THSD4: variants seen among roughly 807,000 people sequenced by gnomAD.
THSD4 encodes thrombospondin type 1 domain containing 4.
A neutral mutation model predicts 119.0 loss-of-function variants in THSD4; 69 were observed. The ratio of observed to expected loss-of-function variants is 0.58; its 90% CI spans 0.48 to 0.71. THSD4 has a LOEUF of 0.71. Among genes scored for constraint, THSD4 ranks in the 30% least tolerant of loss-of-function variants. The pLI is 0.00. For synonymous variants in THSD4, 524 were observed against 540.4 expected (o/e 0.97, Z 0.42); for missense variants, 1,393 against 1,391.1 (o/e 1.00, Z -0.02).
intron 5 of THSD4, among the ~76,000 whole-genome samples, chr15:71,255,429 G>T (rs1351084909): frequency 6.6e-6 from 1 of 152,300 alleles, no homozygotes; most frequent in African/African-American, 2.4e-5. Context: ...AAGCCAGAGG[G>T]AGCAGTATGT....
chr15:71,277,730 CTCTG>C (rs1371021798), intron 6 of THSD4, among the ~76,000 whole-genome samples: 3 of 152,202 alleles, frequency 2.0e-5, no homozygotes, highest in Non-Finnish European at 4.4e-5. Flanking sequence ...TTTTGCTTCT[CTCTG>C]TCTTTCCTAT....
intron 1 of THSD4, among the ~76,000 whole-genome samples, chr15:71,124,614 G>A (rs74021935): frequency 0.026 from 4,004 of 152,030 alleles, 183 homozygotes; most frequent in African/African-American, 0.092. Flanking sequence ...CAACATAGGC[G>A]GTTCCTTTAA....
At chr15:71,424,409 G>A (rs1454349284) in intron 7 of THSD4, among the ~76,000 whole-genome samples, 2 of 152,062 alleles carry the variant, frequency 1.3e-5, no homozygotes, top group Non-Finnish European at 2.9e-5. Context: ...TTTTGACAGG[G>A]ACTGGAAGGA....
At chr15:71,289,761 C>A (rs1166739652) in intron 6 of THSD4, among the ~76,000 whole-genome samples, 1 of 152,184 alleles carries the variant, frequency 6.6e-6, no homozygotes, top group Non-Finnish European at 1.5e-5. Flanking sequence ...TCTCAACCCT[C>A]ATCTAGGGCT....
chr15:71,347,734 C>T lies in THSD4; in HGVS notation c.1016-63953C>T, dbSNP rs80198666. 0.011 allele frequency among the ~76,000 whole-genome samples: 1,714 copies of T among 152,202 alleles called. 62 individuals are homozygous for T. The East Asian group carries it at 0.12, about 11-fold the overall frequency. On this transcript the variant is annotated intron_variant, in intron 6 of 17. Transcript: ENST00000261862. ...AGCTGTGTTTTTAGTGCTGAATAGC[C>T]GCATATGACTAGTGGCTACCATGTT... is the stretch of plus-strand genomic sequence containing the variant.
At chr15:71,591,551 A>G (rs1488721995) in intron 7 of THSD4, among the ~76,000 whole-genome samples, 2 of 152,166 alleles carry the variant, frequency 1.3e-5, no homozygotes, top group Non-Finnish European at 2.9e-5. Context: ...GACATGCTCC[A>G]TGTGTGGCAG....
intron 6 of THSD4, among the ~76,000 whole-genome samples, chr15:71,264,211 C>G (rs995719083): frequency 6.6e-6 from 1 of 152,208 alleles, no homozygotes; most frequent in Non-Finnish European, 1.5e-5. Flanking sequence ...TTAGAGTGTT[C>G]GTGTTTTACT....
chr15:71,457,804 A>G (rs753942376), intron 7 of THSD4, among the ~76,000 whole-genome samples: 12 of 152,008 alleles, frequency 7.9e-5, no homozygotes, highest in Non-Finnish European at 1.6e-4. Context: ...CGTTATTCTT[A>G]CCTGAGGTCT....
intron 7 of THSD4, among the ~76,000 whole-genome samples, chr15:71,505,915 T>G (rs2048179276): frequency 6.6e-6 from 1 of 152,214 alleles, no homozygotes; most frequent in Admixed American, 6.5e-5. Context: ...AAGCAAACAA[T>G]GAAGGAATTT....
intron 7 of THSD4, among the ~76,000 whole-genome samples, chr15:71,430,759 G>GAAAAAAAAAAAAAAAAAAAAAAAAA (rs397719477): frequency 1.2e-5 from 1 of 82,958 alleles, no homozygotes; most frequent in Non-Finnish European, 2.2e-5. Context: ...TCTGTCTCAA[G>GAAAAAAAAAAAAAAAAAAAAAAAAA]AAAAAAAAAA....
Position 71,335,251 on chromosome 15 carries a change from ACTT to A in THSD4, c.1016-76430_1016-76428del, listed in dbSNP as rs148349663. ...ATGCAAATACTTGTCAGCCCCAGCA[ACTT>A]CTTCTGCTTTTAGTTGAGGGCTCTT... On this transcript the variant is annotated intron_variant, in intron 6 of 17. Transcript: ENST00000261862. 1.3e-3 allele frequency among the ~76,000 whole-genome samples: 196 copies of A among 152,268 alleles called. 3 individuals carry two copies. In the East Asian group the frequency reaches 0.035, roughly 27 times the overall value.
chr15:71,364,416 C>G (rs958436019), intron 6 of THSD4, among the ~76,000 whole-genome samples: 5 of 152,210 alleles, frequency 3.3e-5, no homozygotes, highest in Admixed American at 3.3e-4. Flanking sequence ...GATTAATTTC[C>G]CACCTTATCT....
At chr15:71,765,601 G>A (rs2140231748) in intron 16 of THSD4, among the ~76,000 whole-genome samples, 1 of 152,276 alleles carries the variant, frequency 6.6e-6, no homozygotes, top group South Asian at 2.1e-4. Flanking sequence ...CAAGGGTGCT[G>A]TTAAAAGAAC....
chr15:71,707,256 A>T (rs1158192689), intron 8 of THSD4, among the ~76,000 whole-genome samples: 1 of 152,192 alleles, frequency 6.6e-6, no homozygotes, highest in East Asian at 1.9e-4. Flanking sequence ...TGATGTCCAG[A>T]AGCCCACACG....
At chr15:71,567,999 A>G (rs1014152912) in intron 7 of THSD4, among the ~76,000 whole-genome samples, 5 of 151,858 alleles carry the variant, frequency 3.3e-5, no homozygotes, top group African/African-American at 1.2e-4. Context: ...TTCTTTGTAT[A>G]CTTATTATTA....
intron 1 of THSD4, among the ~76,000 whole-genome samples, chr15:71,123,573 G>A (rs1227668835): frequency 2.6e-5 from 4 of 152,166 alleles, no homozygotes; most frequent in Admixed American, 6.5e-5. Context: ...TGTGAGAGGC[G>A]GGGAGTAATA....
At position 71,280,522 on chromosome 15, in the gene THSD4, AATG is replaced by A. The variant is rs1457772806; in HGVS notation, c.1015+23810_1015+23812del. Among the ~76,000 whole-genome samples, 3 of 152,312 alleles carry A rather than the reference AATG, an allele frequency of 2.0e-5. No individual in the cohort carries two copies. The East Asian group carries it at 5.8e-4, about 29-fold the overall frequency. Reference sequence around the variant, plus strand: ...GTGTAAGCTATAATATGTATTTTGAAATGATAACATCTTTCTTTTTCTGTTCCT... The same window carrying A: ...GTGTAAGCTATAATATGTATTTTGAAATAACATCTTTCTTTTTCTGTTCCT... On this transcript the variant is annotated intron_variant, in intron 6 of 17. Transcript: ENST00000261862.
intron 7 of THSD4, among the ~76,000 whole-genome samples, chr15:71,527,708 CT>C (rs10635101): frequency 5.3e-4 from 42 of 79,738 alleles, no homozygotes; most frequent in Middle Eastern, 0.015. Flanking sequence ...TGTTTATCCT[CT>C]TTTTTTTTTT....
intron 6 of THSD4, among the ~76,000 whole-genome samples, chr15:71,398,012 G>C (rs1389437076): frequency 6.6e-6 from 1 of 152,178 alleles, no homozygotes; most frequent in African/African-American, 2.4e-5. Flanking sequence ...TCACTTTTCT[G>C]GGTGTCAGTT....
Sources: allele counts gnomAD v4.1 joint callset (sites outside exome capture counted in the v4.1 genomes callset), GRCh38; gene constraint gnomAD v4.1.1; transcripts MANE v1.5; gene names NCBI Gene and HGNC (gene_info 2026-07-23, HGNC 2026-07-21).